Variants in NEK7 observed in about 807,000 individuals in gnomAD.
The protein encoded by NEK7 is serine/threonine-protein kinase Nek7.
A neutral mutation model predicts 44.6 loss-of-function variants in NEK7; 18 were observed. That is an observed-to-expected ratio of 0.40 (90% confidence interval 0.28 to 0.60). The LOEUF is 0.60. Ranked by LOEUF, NEK7 falls within the 20% of genes least tolerant of loss-of-function variation. NEK7 has a pLI of 0.38. For synonymous variants in NEK7, 130 were observed against 121.1 expected (o/e 1.07, Z -0.48); for missense variants, 256 against 366.5 (o/e 0.70, Z 2.46).
intron 7 of NEK7, among the ~76,000 whole-genome samples, chr1:198,280,154 A>G (rs370369789): frequency 6.6e-6 from 1 of 152,048 alleles, no homozygotes; most frequent in Non-Finnish European, 1.5e-5. Flanking sequence ...ATTCCATAAG[A>G]AATGGATAAG....
rs539899243 is a variant in NEK7, at chr1:198,276,501, G to T, written c.373-1460G>T. 1.2e-4 allele frequency among the ~76,000 whole-genome samples: 18 copies of T among 151,658 alleles called. No individual in the cohort carries two copies. In the East Asian group the frequency reaches 1.9e-3, roughly 16 times the overall value. ...TGTAAAGAACTGATTTTGTAGCATT[G>T]CCCCCTTTGAATGAAAACTGATGTT... is the stretch of plus-strand genomic sequence containing the variant. On this transcript the variant is annotated intron_variant, in intron 5 of 9. Coordinates refer to ENST00000367385, the MANE Select transcript of NEK7 (RefSeq NM_133494.3).
chr1:198,252,018 A>G (rs570937956), intron 2 of NEK7, among the ~76,000 whole-genome samples: 1 of 152,212 alleles, frequency 6.6e-6, no homozygotes, highest in African/African-American at 2.4e-5. Flanking sequence ...ATTTAGTGCT[A>G]TAAATTGCCC....
At chr1:198,183,290 A>C (rs1476502966) in intron 1 of NEK7, among the ~76,000 whole-genome samples, 1 of 152,150 alleles carries the variant, frequency 6.6e-6, no homozygotes, top group East Asian at 1.9e-4. Context: ...CCACTAGGCC[A>C]TGAGCTCTTT....
At chr1:198,298,211 A>T (rs1654768546) in intron 9 of NEK7, among the ~76,000 whole-genome samples, 1 of 152,194 alleles carries the variant, frequency 6.6e-6, no homozygotes. Context: ...AAAAATATAA[A>T]ACAATTATAA....
intron 5 of NEK7, among the ~76,000 whole-genome samples, chr1:198,271,823 A>C (rs1653853076): frequency 6.6e-6 from 1 of 150,762 alleles, no homozygotes; most frequent in South Asian, 2.1e-4. Context: ...CTGAAGTCCT[A>C]AGGTTGCAAG....
At position 198,277,974 on chromosome 1, in the gene NEK7, A is replaced by G; in HGVS notation, c.386A>G (p.Gln129Arg). 6.2e-7 allele frequency: 1 copy of G among 1,600,132 alleles called. No individual in the cohort carries two copies. The highest frequency in any genetic ancestry group is 1.1e-5 in the South Asian group (1 of 90,040). The change falls in exon 6 of 10, where the codon CAA becomes CGA. Residue 129 changes from glutamine (Q) to arginine (R), a missense_variant. Gln to Arg is a conservative substitution (Grantham distance 43). Coordinates refer to ENST00000367385, the MANE Select transcript of NEK7 (RefSeq NM_133494.3). ...LSRMIKHFKK[Q>R]KRLIPERTVW... ...ATTTTCAAAAAGCATTTTAAGAAGC[A>G]AAAGAGGCTAATTCCTGAAAGAACT...
At chr1:198,210,777 G>T in intron 1 of NEK7, among the ~76,000 whole-genome samples, 1 of 115,688 alleles carries the variant, frequency 8.6e-6, no homozygotes, top group Admixed American at 1.1e-4. Flanking sequence ...TTTTGAGACG[G>T]AGTCTCGCTC....
rs1321873961 is a variant in NEK7 at position 198,281,891 on chromosome 1, G to A, written c.589+2830G>A. Among the ~76,000 whole-genome samples the A allele has an allele frequency of 2.6e-5, 4 of 151,874 alleles. 1 individual carries two copies. Among genetic ancestry groups the A allele is most frequent in the African/African-American group, 7.3e-5 (3 of 41,374 alleles). ...TTCTGTAGCAAATAAAGTTGTATAG[G>A]TGGCCACATTTCCAATTAGTTTTCA... On this transcript the variant is annotated intron_variant, in intron 7 of 9. Coordinates refer to ENST00000367385, the MANE Select transcript of NEK7 (RefSeq NM_133494.3).
chr1:198,314,881 C>T (rs375438731), intron 9 of NEK7, among the ~76,000 whole-genome samples: 48 of 152,278 alleles, frequency 3.2e-4, no homozygotes, highest in East Asian at 3.1e-3. Context: ...TACTGCTGTC[C>T]TTTTGTTTGT....
At chr1:198,281,645 T>C (rs2102987420) in intron 7 of NEK7, among the ~76,000 whole-genome samples, 1 of 152,224 alleles carries the variant, frequency 6.6e-6, no homozygotes, top group East Asian at 1.9e-4. Flanking sequence ...ATCTTATGCA[T>C]TTATATTTTC....
chr1:198,192,149 T>C (rs1250232256), intron 1 of NEK7, among the ~76,000 whole-genome samples: 1 of 151,978 alleles, frequency 6.6e-6, no homozygotes, highest in African/African-American at 2.4e-5. Flanking sequence ...TTGTTTGTTT[T>C]ATCTTATGTT....
intron 2 of NEK7, among the ~76,000 whole-genome samples, chr1:198,236,153 A>G (rs963557987): frequency 2.6e-5 from 4 of 152,164 alleles, no homozygotes; most frequent in Non-Finnish European, 5.9e-5. Flanking sequence ...TATGAATTTT[A>G]GACTTGATAA....
intron 9 of NEK7, among the ~76,000 whole-genome samples, chr1:198,302,896 A>C (rs1558102695): frequency 6.6e-6 from 1 of 152,204 alleles, no homozygotes; most frequent in Non-Finnish European, 1.5e-5. Flanking sequence ...TTACAAGAAC[A>C]CAGAGCCCAA....
At chr1:198,267,171 A>G (rs1403820405) in intron 5 of NEK7, among the ~76,000 whole-genome samples, 2 of 152,102 alleles carry the variant, frequency 1.3e-5, no homozygotes, top group African/African-American at 4.8e-5. Flanking sequence ...TAGATTTATA[A>G]CCATTGTGCA....
At chr1:198,237,836 A>G (rs1177523607) in intron 2 of NEK7, among the ~76,000 whole-genome samples, 6 of 152,152 alleles carry the variant, frequency 3.9e-5, no homozygotes. Context: ...TCACTCAATG[A>G]AAATGGAATC....
intron 9 of NEK7, among the ~76,000 whole-genome samples, chr1:198,316,113 G>A (rs1003868475): frequency 1.3e-5 from 2 of 152,284 alleles, no homozygotes; most frequent in African/African-American, 4.8e-5. Flanking sequence ...AGAAGGTCTA[G>A]GCCGGAATTG....
intron 6 of NEK7, 87 bp downstream of exon 6, chr1:198,278,156 C>G: frequency 2.9e-6 from 2 of 690,766 alleles, no homozygotes; most frequent in Admixed American, 2.6e-5. Context: ...GTACATAATA[C>G]CATACTTTTT....
intron 1 of NEK7, among the ~76,000 whole-genome samples, chr1:198,224,325 A>G (rs572008130): frequency 6.6e-6 from 1 of 152,318 alleles, no homozygotes; most frequent in Admixed American, 6.5e-5. Context: ...AGTTGTCCAT[A>G]GTATTCAGTA....
chr1:198,210,648 C>A (rs1460355488), intron 1 of NEK7, among the ~76,000 whole-genome samples: 1 of 149,762 alleles, frequency 6.7e-6, no homozygotes, highest in Non-Finnish European at 1.5e-5. Context: ...AGGTTATATA[C>A]CTATGTAAAC....
Sources: gnomAD v4.1 joint callset for allele counts (sites outside exome capture counted in the v4.1 genomes callset) on GRCh38, gnomAD v4.1.1 for gene constraint, MANE v1.5 for transcripts, NCBI Gene and HGNC (gene_info 2026-07-23, HGNC 2026-07-21) for gene names.